The following SNTB1 variants were observed in gnomAD, a reference collection of about 807,000 sequenced individuals.
SNTB1 encodes beta-1-syntrophin.
In SNTB1, 36 loss-of-function variants were observed where a neutral mutation model predicts 48.9. The ratio of observed to expected loss-of-function variants is 0.74; its 90% CI spans 0.56 to 0.97. The LOEUF is 0.97. Ranked by LOEUF, SNTB1 falls within the 50% of genes least tolerant of loss-of-function variation. SNTB1 has a pLI of 0.00. For missense variants in SNTB1, 786 were observed against 703.4 expected (o/e 1.12, Z -1.33); for synonymous variants, 299 against 294.6 (o/e 1.01, Z -0.15).
intron 3 of SNTB1, among the ~76,000 whole-genome samples, chr8:120,580,796 T>C (rs35721503): frequency 0.46 from 70,237 of 151,958 alleles, 18,965 homozygotes; most frequent in Non-Finnish European, 0.63. Context: ...GGGAGGCTGA[T>C]AAAGAAGAGA....
chr8:120,790,641 A>AAAAAT (rs1207545737), intron 1 of SNTB1, among the ~76,000 whole-genome samples: 1 of 151,870 alleles, frequency 6.6e-6, no homozygotes, highest in African/African-American at 2.4e-5. Flanking sequence ...TACAATAGCA[A>AAAAAT]AAAATAAAAT....
chr8:120,581,215 G>A (rs2130695034), intron 3 of SNTB1, among the ~76,000 whole-genome samples: 1 of 152,208 alleles, frequency 6.6e-6, no homozygotes, highest in South Asian at 2.1e-4. Flanking sequence ...GAAGAAAAGT[G>A]CTCTATGGGA....
intron 3 of SNTB1, among the ~76,000 whole-genome samples, chr8:120,606,086 TAGATC>T (rs1816511779): frequency 6.6e-6 from 1 of 151,774 alleles, no homozygotes; most frequent in African/African-American, 2.4e-5. Context: ...TAAGTATAAA[TAGATC>T]AGACTAGGGC....
chr8:120,613,346 C>T (rs1321065076), intron 3 of SNTB1, among the ~76,000 whole-genome samples: 1 of 64,888 alleles, frequency 1.5e-5, no homozygotes, highest in Non-Finnish European at 3.7e-5. Flanking sequence ...AGTGCAGCTC[C>T]ATCTCAAAAA....
intron 4 of SNTB1, among the ~76,000 whole-genome samples, chr8:120,563,744 G>A (rs1392668529): frequency 1.3e-5 from 2 of 152,142 alleles, no homozygotes; most frequent in East Asian, 3.9e-4. Context: ...TGTGCTGAAC[G>A]AAGCTCCCTA....
At position 120,548,869 on chromosome 8, in the gene SNTB1, T is replaced by A. The variant is rs1176284540; in HGVS notation, c.1226A>T (p.Glu409Val). The A allele has an allele frequency of 6.2e-7, 1 of 1,614,022 alleles. No homozygotes were observed. Among genetic ancestry groups the A allele is most frequent in the East Asian group, 2.2e-5 (1 of 44,866 alleles). The change falls in exon 5 of 7, where the codon GAA becomes GTA. Residue 409 changes from glutamate (E) to valine (V), a missense_variant. Coordinates refer to ENST00000517992, the MANE Select transcript of SNTB1 (RefSeq NM_021021.4). ...GGTCTCTGCTCTGAAGAGATGTGTT[T>A]CAATCCCTTGCCTGGTACCAGTTCG... is the stretch of plus-strand genomic sequence containing the variant. Reference protein sequence around the residue: ...ATRTGTRQGIETHLFRAETSR... With the variant: ...ATRTGTRQGIVTHLFRAETSR...
chr8:120,707,017 G>T (rs564941101), intron 1 of SNTB1, among the ~76,000 whole-genome samples: 1 of 152,308 alleles, frequency 6.6e-6, no homozygotes, highest in South Asian at 2.1e-4. Flanking sequence ...GGTAGATGGT[G>T]ACGGGTTCTT....
chr8:120,706,806 C>T (rs999839621), intron 1 of SNTB1, among the ~76,000 whole-genome samples: 1 of 152,094 alleles, frequency 6.6e-6, no homozygotes, highest in Non-Finnish European at 1.5e-5. Flanking sequence ...TAACATCCTG[C>T]AAATCAAACT....
intron 1 of SNTB1, among the ~76,000 whole-genome samples, chr8:120,755,546 C>T (rs964598567): frequency 2.0e-5 from 3 of 151,982 alleles, no homozygotes; most frequent in Non-Finnish European, 4.4e-5. Flanking sequence ...TGAAAAGGGG[C>T]AATTTAATGA....
At chr8:120,669,136 G>A (rs145702926) in intron 2 of SNTB1, among the ~76,000 whole-genome samples, 176 of 152,326 alleles carry the variant, frequency 1.2e-3, no homozygotes, top group African/African-American at 4.0e-3. Context: ...CCTTTCATGA[G>A]TTGGAGCAGT....
intron 1 of SNTB1, among the ~76,000 whole-genome samples, chr8:120,805,541 G>C (rs1157992342): frequency 6.7e-6 from 1 of 148,542 alleles, no homozygotes; most frequent in Non-Finnish European, 1.5e-5. Context: ...TTCTGGAAAA[G>C]ATTTAAAAAT....
chr8:120,730,285 G>A (rs1265982341), intron 1 of SNTB1, among the ~76,000 whole-genome samples: 3 of 151,962 alleles, frequency 2.0e-5, no homozygotes, highest in Admixed American at 1.3e-4. Flanking sequence ...TCAGCCTCCC[G>A]AGTAGCTGGG....
At chr8:120,744,404 C>A (rs1388583886) in intron 1 of SNTB1, among the ~76,000 whole-genome samples, 1 of 152,108 alleles carries the variant, frequency 6.6e-6, no homozygotes, top group Non-Finnish European at 1.5e-5. Flanking sequence ...CACAAGAAAA[C>A]AATCATTTGT....
intron 1 of SNTB1, among the ~76,000 whole-genome samples, chr8:120,770,551 C>G (rs138789701): frequency 0.039 from 5,866 of 152,192 alleles, 382 homozygotes; most frequent in African/African-American, 0.13. Context: ...GTGGCTCACA[C>G]CTGTAATCCC....
intron 4 of SNTB1, among the ~76,000 whole-genome samples, chr8:120,556,782 T>C (rs944362936): frequency 1.1e-4 from 16 of 152,236 alleles, no homozygotes; most frequent in Non-Finnish European, 1.8e-4. Context: ...TGTGAAATCT[T>C]TCTCTTGAGA....
At chr8:120,704,299 T>C (rs569186973) in intron 1 of SNTB1, among the ~76,000 whole-genome samples, 3 of 151,848 alleles carry the variant, frequency 2.0e-5, no homozygotes, top group Non-Finnish European at 2.9e-5. Context: ...AAAATAAAAA[T>C]TAAAAAATTA....
chr8:120,790,218 G>A (rs1820004741), intron 1 of SNTB1, among the ~76,000 whole-genome samples: 1 of 151,790 alleles, frequency 6.6e-6, no homozygotes. Context: ...CAAAAAACTA[G>A]ACATACAAGG....
chr8:120,731,615 A>C (rs1818852286), intron 1 of SNTB1, among the ~76,000 whole-genome samples: 1 of 152,334 alleles, frequency 6.6e-6, no homozygotes, highest in South Asian at 2.1e-4. Flanking sequence ...AGTGCAGGAA[A>C]ACATCTTGGT....
At chr8:120,752,780 A>G (rs1819244087) in intron 1 of SNTB1, among the ~76,000 whole-genome samples, 1 of 152,080 alleles carries the variant, frequency 6.6e-6, no homozygotes, top group African/African-American at 2.4e-5. Context: ...CTGAGCACAC[A>G]TGGACATAAG....
Sources: gnomAD v4.1 joint callset for allele counts (sites outside exome capture counted in the v4.1 genomes callset) on GRCh38, gnomAD v4.1.1 for gene constraint, MANE v1.5 for transcripts, NCBI Gene and HGNC (gene_info 2026-07-23, HGNC 2026-07-21) for gene names.